Variants in RND3 observed in about 807,000 individuals in gnomAD.
RND3 encodes Rho family GTPase 3, also known as rho-related GTP-binding protein RhoE.
RND3 carries 8 observed loss-of-function variants against 26.5 expected under a neutral mutation model. The ratio of observed to expected loss-of-function variants is 0.30; its 90% CI spans 0.18 to 0.54. The LOEUF is 0.54. Among genes scored for constraint, RND3 ranks in the 20% least tolerant of loss-of-function variants. The probability of loss-of-function intolerance (pLI) is 0.94; values close to 1 mark genes in which losing one functional copy is unlikely to be tolerated. For missense variants in RND3, 207 were observed against 302.8 expected (o/e 0.68, Z 2.35); for synonymous variants, 113 against 113.0 (o/e 1.00, Z 0.00).
intron 3 of RND3, among the ~76,000 whole-genome samples, chr2:150,482,368 A>G (rs185272748): frequency 1.3e-5 from 2 of 152,298 alleles, no homozygotes; most frequent in East Asian, 1.9e-4. Flanking sequence ...AATTACTTCT[A>G]TGCTTGGCAA....
At chr2:150,487,092 C>A (rs1326878648) in intron 2 of RND3, 176 bp downstream of exon 2, 9 of 621,190 alleles carry the variant, frequency 1.4e-5, no homozygotes, top group Admixed American at 6.0e-5. Flanking sequence ...AAGCTTCCAG[C>A]GCACTTTCCC....
rs1468365030 is a variant in RND3, at chr2:150,483,247, T to A, written c.238+3447A>T. On this transcript the variant is annotated intron_variant, in intron 3 of 5. Coordinates refer to ENST00000263895, the MANE Select transcript of RND3 (RefSeq NM_005168.5). Reference sequence around the variant, plus strand: ...GACCCCTTATGAGAAGCTGTCCAACTAAAGAGGCCAGATAAGAGAGGAACT... The same window carrying A: ...GACCCCTTATGAGAAGCTGTCCAACAAAAGAGGCCAGATAAGAGAGGAACT... Among the ~76,000 whole-genome samples, 5 of 151,506 alleles carry A rather than the reference T, an allele frequency of 3.3e-5. 1 individual carries two copies. The highest frequency in any genetic ancestry group is 4.1e-4 in the South Asian group (2 of 4,820).
At chr2:150,487,175 TAA>T in intron 2 of RND3, 91 bp downstream of exon 2, 1 of 887,154 alleles carries the variant, frequency 1.1e-6, no homozygotes, top group East Asian at 2.9e-5. Context: ...TTTTTTTTTT[TAA>T]GGGAAAACGG....
At chr2:150,477,776 A>G (rs1330445120) in intron 3 of RND3, among the ~76,000 whole-genome samples, 1 of 152,224 alleles carries the variant, frequency 6.6e-6, no homozygotes, top group Non-Finnish European at 1.5e-5. Flanking sequence ...AAGTGAAAAT[A>G]CATATGTAGT....
In RND3 at chr2:150,470,075, C is replaced by T. The variant is rs777749153; in HGVS notation, c.647G>A (p.Arg216Gln). Residue 216 changes from arginine to glutamine, a missense_variant, in exon 6 of 6, where the codon CGG becomes CAG. By Grantham distance (43) the Arg-to-Gln change is conservative. Coordinates refer to ENST00000263895, the MANE Select transcript of RND3 (RefSeq NM_005168.5). ...KRNKSQRATK[R>Q]ISHMPSRPEL... The stretch of plus-strand genomic sequence containing the variant: ...TGGTCTGCTAGGCATGTGTGAAATC[C>T]GCTTTGTGGCTCTCTGTGATTTGTT... The T allele has an allele frequency of 1.2e-5, 20 of 1,613,930 alleles. No individual in the cohort carries two copies. The highest frequency in any genetic ancestry group is 4.0e-5 in the African/African-American group (3 of 74,908).
Position 150,469,977 on chromosome 2 carries a change from A to C in RND3, c.*10T>G. 6.2e-7 allele frequency: 1 copy of C among 1,612,486 alleles called. No homozygotes were observed. Among genetic ancestry groups the C allele is most frequent in the African/African-American group, 1.3e-5 (1 of 74,944 alleles). ...AGATTCCTTTGTCTTCATTAAAGAT[A>C]ATGAAAGATTCACATCACAGTGCAG... On this transcript the variant is annotated 3_prime_UTR_variant, in exon 6 of 6. Transcript: ENST00000263895.
Position 150,470,167 on chromosome 2 carries a change from G to A in RND3, c.555C>T (p.Ser185=), listed in dbSNP as rs564593926. Reference sequence around the variant, plus strand: ...TGGCAACGTGAAAAATGTCTCTGACGCTATTTTCCGACTGTAAAGCTGAGC... The same window carrying A: ...TGGCAACGTGAAAAATGTCTCTGACACTATTTTCCGACTGTAAAGCTGAGC... The part of the protein sequence containing the change: ...IECSALQSEN[S]VRDIFHVATL... The change falls in exon 6 of 6, where the codon AGC becomes AGT. Residue 185 remains serine, a synonymous_variant. Transcript: ENST00000263895. 1.1e-5 allele frequency: 18 copies of A among 1,613,758 alleles called. No homozygotes were observed. Among genetic ancestry groups the A allele is most frequent in the Non-Finnish European group, 8.5e-6 (10 of 1,179,908 alleles).
At chr2:150,479,247 C>T (rs1686231061) in intron 3 of RND3, among the ~76,000 whole-genome samples, 1 of 152,142 alleles carries the variant, frequency 6.6e-6, no homozygotes, top group Non-Finnish European at 1.5e-5. Context: ...ACGTGCCTCA[C>T]CCAGAAACTA....
At chr2:150,475,162 A>G in intron 3 of RND3, 178 bp from the exon 4 acceptor site, 1 of 528,536 alleles carries the variant, frequency 1.9e-6, no homozygotes, top group Non-Finnish European at 3.4e-6. Context: ...GAAATATATG[A>G]TGAATGAAGC....
At chr2:150,474,502 T>C (rs1686135020) in intron 4 of RND3, among the ~76,000 whole-genome samples, 1 of 152,218 alleles carries the variant, frequency 6.6e-6, no homozygotes, top group African/African-American at 2.4e-5. Context: ...TTCCTTTCAC[T>C]ATCTGACTTG....
At chr2:150,484,377 C>CA (rs1467938780) in intron 3 of RND3, among the ~76,000 whole-genome samples, 1 of 152,200 alleles carries the variant, frequency 6.6e-6, no homozygotes, top group Non-Finnish European at 1.5e-5. Flanking sequence ...CTTTTCTCCC[C>CA]TAAAAGAATC....
chr2:150,482,690 T>C (rs1049779807), intron 3 of RND3, among the ~76,000 whole-genome samples: 30 of 137,578 alleles, frequency 2.2e-4, no homozygotes, highest in Non-Finnish European at 3.9e-4. Context: ...AAAATGCCTT[T>C]TGTAGTTGCT....
intron 4 of RND3, among the ~76,000 whole-genome samples, chr2:150,472,392 G>T (rs943043074): frequency 6.6e-6 from 1 of 152,232 alleles, no homozygotes; most frequent in African/African-American, 2.4e-5. Context: ...CGGGAAGGCA[G>T]CTGGTCCTGT....
rs1047909431 is a variant in RND3, at chr2:150,487,058, T to C, written c.150+210A>G. 21 of 601,030 alleles carry C rather than the reference T, an allele frequency of 3.5e-5. No homozygotes were observed. The African/African-American group carries it at 3.5e-4, about 10-fold the overall frequency. 37.2% of individuals were successfully genotyped at this position (601,030 alleles called of 1,614,324 possible). On this transcript the variant is annotated intron_variant, in intron 2 of 5. Transcript: ENST00000263895. ...CAAGTTTCAGGAGCTAACCAGCCCA[T>C]GTGCAGGCGCGTCCCAACCCTAAAA...
At chr2:150,487,156 TTTTC>T in intron 2 of RND3, 108 bp downstream of exon 2, 1 of 817,820 alleles carries the variant, frequency 1.2e-6, no homozygotes, top group Non-Finnish European at 1.8e-6. Context: ...AGACTTTTTT[TTTTC>T]TTTTTTTTTT....
chr2:150,471,770 GAA>G lies in RND3; in HGVS notation c.349-11_349-10del, dbSNP rs11338446. Reference sequence around the variant, plus strand: ...TGGATTTCACCTTTCCACTATGAAAGAAAAAAAAAAAAGATTAAAAATGAACA... The same window carrying G: ...TGGATTTCACCTTTCCACTATGAAAGAAAAAAAAAAGATTAAAAATGAACA... On this transcript the variant is annotated splice_polypyrimidine_tract_variant and intron_variant, in intron 4 of 5. Coordinates refer to ENST00000263895, the MANE Select transcript of RND3 (RefSeq NM_005168.5). 0.032 allele frequency: 31,357 copies of G among 977,858 alleles called. 108 individuals are homozygous for G. The highest frequency in any genetic ancestry group is 0.069 in the African/African-American group (4,182 of 60,954). 60.6% of individuals were successfully genotyped at this position (977,858 alleles called of 1,614,324 possible).
Position 150,486,618 on chromosome 2 carries a change from G to A in RND3, c.238+76C>T. The A allele has an allele frequency of 9.3e-7, 1 of 1,075,300 alleles. No individual in the cohort carries two copies. Among genetic ancestry groups the A allele is most frequent in the East Asian group, 2.4e-5 (1 of 42,508 alleles). The allele number at this position is 1,075,300 out of a possible 1,614,324, so 66.6% of individuals were successfully genotyped here. ...GGGCGCAGACGGCTTGTAGCGCGCG[G>A]TTTCCCGAGACCCGCCGCGCATCCC... On this transcript the variant is annotated intron_variant, in intron 3 of 5. Coordinates refer to ENST00000263895, the MANE Select transcript of RND3 (RefSeq NM_005168.5). The surrounding 1 kb of genome is among the most constrained non-coding windows in gnomAD (Gnocchi z 4.5).
chr2:150,469,505 A>G lies in RND3; in HGVS notation c.*482T>C, dbSNP rs1404023627. ...TGATGAGCTAGAAAGAAATTAGATC[A>G]CATCCTCTAGAAAACTAAATGCTAA... On this transcript the variant is annotated 3_prime_UTR_variant, in exon 6 of 6. Transcript: ENST00000263895. 6.5e-6 allele frequency: 1 copy of G among 154,802 alleles called. No individual in the cohort carries two copies. Among genetic ancestry groups the G allele is most frequent in the Non-Finnish European group, 1.4e-5 (1 of 69,572 alleles). 9.6% of individuals were successfully genotyped at this position (154,802 alleles called of 1,614,324 possible). A position where few individuals can be genotyped will look rare whatever the true frequency, so the allele number is the denominator to read the frequency against.
chr2:150,487,382 G>C lies in RND3; in HGVS notation c.36C>G (p.Ser12Arg), dbSNP rs1455403238. 1 of 1,545,032 alleles carries C rather than the reference G, an allele frequency of 6.5e-7. No homozygotes were observed. The highest frequency in any genetic ancestry group is 8.7e-7 in the Non-Finnish European group (1 of 1,143,328). Residue 12 changes from serine (S) to arginine (R), a missense_variant, in exon 2 of 6, where the codon AGC becomes AGG. Transcript: ENST00000263895. ...TCTGATTAGGATCCATGATAGATTT[G>C]CTGGATAATTTCTGGCTGGCTCTTC... ...KERRASQKLS[S>R]KSIMDPNQNV... is the part of the protein sequence containing the mutation.
Sources: allele counts gnomAD v4.1 joint callset (sites outside exome capture counted in the v4.1 genomes callset), GRCh38; gene constraint gnomAD v4.1.1; non-coding constraint Gnocchi (gnomAD v3.1); transcripts MANE v1.5; gene names NCBI Gene and HGNC (gene_info 2026-07-23, HGNC 2026-07-21).